The following PUM1 variants were observed in gnomAD, a reference collection of about 807,000 sequenced individuals.
PUM1 encodes the protein pumilio RNA binding family member 1.
Under a neutral mutation model 131.8 loss-of-function variants are expected in PUM1, and 13 were observed. The ratio of observed to expected loss-of-function variants is 0.10; its 90% confidence interval spans 0.06 to 0.16. PUM1 has a LOEUF of 0.16. PUM1 is among the 10% of genes least tolerant of loss of function. The pLI is 1.00. For synonymous variants in PUM1, 509 were observed against 556.5 expected (o/e 0.91, Z 1.20); for missense variants, 961 against 1,512.4 (o/e 0.64, Z 6.05).
chr1:31,004,668 G>C (rs373693934), intron 5 of PUM1, among the ~76,000 whole-genome samples: 1 of 152,148 alleles, frequency 6.6e-6, no homozygotes, highest in East Asian at 1.9e-4. Context: ...AGAATAGCTA[G>C]TACTTAAGAA....
chr1:30,990,897 A>G (rs1641762441), intron 7 of PUM1, among the ~76,000 whole-genome samples: 1 of 152,262 alleles, frequency 6.6e-6, no homozygotes, highest in South Asian at 2.1e-4. Context: ...ATATTTTTGA[A>G]TAAGTGGTAG....
chr1:31,045,416 G>A (rs1219173313), intron 2 of PUM1, among the ~76,000 whole-genome samples: 1 of 152,104 alleles, frequency 6.6e-6, no homozygotes, highest in Non-Finnish European at 1.5e-5. Flanking sequence ...GGGAATTACA[G>A]GCTTGAGCCA....
At chr1:30,952,695 G>A (rs1249812039) in intron 15 of PUM1, among the ~76,000 whole-genome samples, 11 of 93,758 alleles carry the variant, frequency 1.2e-4, no homozygotes, top group African/African-American at 3.7e-4. Flanking sequence ...GGGGGGGGGC[G>A]GGAGGGGCAG....
At chr1:30,961,468 G>A (rs1303559484) in intron 14 of PUM1, among the ~76,000 whole-genome samples, 1 of 151,978 alleles carries the variant, frequency 6.6e-6, no homozygotes, top group African/African-American at 2.4e-5. Flanking sequence ...AGGTTACAGT[G>A]AGCTATGATA....
intron 7 of PUM1, 145 bp from the exon 8 acceptor site, chr1:30,981,550 A>G (rs1641356403): frequency 1.9e-6 from 1 of 529,200 alleles, no homozygotes; most frequent in Non-Finnish European, 3.4e-6. Context: ...CTTCATTCCC[A>G]TGGGATTAAA....
intron 13 of PUM1, among the ~76,000 whole-genome samples, chr1:30,965,246 G>C (rs1244867606): frequency 2.0e-5 from 3 of 152,116 alleles, no homozygotes; most frequent in Admixed American, 2.0e-4. Context: ...AATTGAAAAG[G>C]TTCAAGTAGA....
At chr1:30,943,797 T>C (rs1326065393) in intron 18 of PUM1, among the ~76,000 whole-genome samples, 1 of 152,216 alleles carries the variant, frequency 6.6e-6, no homozygotes. Context: ...TGTCAGCACA[T>C]AGCAACTGAT....
At chr1:30,995,689 G>C (rs748975343) in intron 5 of PUM1, among the ~76,000 whole-genome samples, 2 of 152,114 alleles carry the variant, frequency 1.3e-5, no homozygotes, top group Non-Finnish European at 2.9e-5. Context: ...ACTGCACTAT[G>C]TAAATTCCTC....
At chr1:31,019,896 T>A (rs1490972383) in intron 3 of PUM1, among the ~76,000 whole-genome samples, 1 of 151,844 alleles carries the variant, frequency 6.6e-6, no homozygotes, top group Non-Finnish European at 1.5e-5. Context: ...TACATATGAA[T>A]AAACTACACA....
At chr1:30,953,155 C>T (rs1429312596) in intron 15 of PUM1, among the ~76,000 whole-genome samples, 1 of 152,150 alleles carries the variant, frequency 6.6e-6, no homozygotes. Context: ...CAGTAGCAAG[C>T]TGGCAGAACT....
At chr1:31,033,387 T>C (rs1195597561) in intron 2 of PUM1, among the ~76,000 whole-genome samples, 2 of 66,838 alleles carry the variant, frequency 3.0e-5, no homozygotes, top group East Asian at 4.4e-4. Flanking sequence ...TTTTTTTTTT[T>C]TTTTTTTTTT....
intron 6 of PUM1, 99 bp downstream of exon 6, chr1:30,994,955 T>A (rs954476949): frequency 7.9e-7 from 1 of 1,267,112 alleles, no homozygotes; most frequent in Non-Finnish European, 1.1e-6. Context: ...AAAGAAAACA[T>A]GAAGAGGGGA....
chr1:30,967,008 C>A, intron 12 of PUM1, 159 bp downstream of exon 12: 2 of 801,488 alleles, frequency 2.5e-6, no homozygotes, highest in Non-Finnish European at 3.6e-6. Flanking sequence ...GGAGAATCCA[C>A]TAAGGTCACT....
At chr1:31,010,977 A>G (rs1642589613) in intron 3 of PUM1, among the ~76,000 whole-genome samples, 2 of 152,166 alleles carry the variant, frequency 1.3e-5, no homozygotes, top group African/African-American at 4.8e-5. Flanking sequence ...CAACATAGCG[A>G]GACTCTAGCT....
intron 3 of PUM1, among the ~76,000 whole-genome samples, chr1:31,014,086 A>C (rs1272050780): frequency 2.6e-5 from 4 of 151,952 alleles, no homozygotes; most frequent in Non-Finnish European, 5.9e-5. Context: ...GGATAGCTTG[A>C]GTCTAGGAGT....
chr1:30,956,009 A>C (rs1480181376), intron 14 of PUM1, among the ~76,000 whole-genome samples: 1 of 152,206 alleles, frequency 6.6e-6, no homozygotes, highest in Non-Finnish European at 1.5e-5. Context: ...AGAGAGGTGA[A>C]ATGTTCATCC....
chr1:30,963,522 T>C (rs1043736727), intron 14 of PUM1, among the ~76,000 whole-genome samples: 2 of 152,212 alleles, frequency 1.3e-5, no homozygotes, highest in African/African-American at 4.8e-5. Context: ...GAAACTCGCC[T>C]CTTTCAAACT....
intron 10 of PUM1, among the ~76,000 whole-genome samples, chr1:30,972,585 C>T (rs1399727523): frequency 2.6e-4 from 38 of 148,802 alleles, no homozygotes; most frequent in African/African-American, 9.2e-4. Context: ...ATCAGTCTGG[C>T]CACCATGGTG....
In PUM1 at chr1:31,015,005, A is replaced by C. The variant is rs567128962; in HGVS notation, c.433-7903T>G. Among the ~76,000 whole-genome samples the C allele has an allele frequency of 5.9e-5, 9 of 152,308 alleles. No individual in the cohort carries two copies. The East Asian group carries it at 9.6e-4, about 16-fold the overall frequency. On this transcript the variant is annotated intron_variant, in intron 3 of 21. Coordinates refer to ENST00000426105, the MANE Select transcript of PUM1 (RefSeq NM_001020658.2). ...CAAGCAAACAAGTTGTAGTACAACA[A>C]TGTAAGCTCACCAAAAATAGCCATA...
Sources: allele counts gnomAD v4.1 joint callset (sites outside exome capture counted in the v4.1 genomes callset), GRCh38; gene constraint gnomAD v4.1.1; transcripts MANE v1.5; gene names NCBI Gene and HGNC (gene_info 2026-07-23, HGNC 2026-07-21).